DIAPH2: variants seen among roughly 807,000 people sequenced by gnomAD.
The protein encoded by DIAPH2 is diaphanous related formin 2.
A neutral mutation model predicts 92.7 loss-of-function variants in DIAPH2; 35 were observed. The observed-to-expected ratio is 0.38, with a 90% CI of 0.29 to 0.50. The LOEUF (loss-of-function observed/expected upper bound fraction) is 0.50. Ranked by LOEUF, DIAPH2 falls within the 20% of genes least tolerant of loss-of-function variation. The pLI is 0.94. For synonymous variants in DIAPH2, 301 were observed against 280.4 expected, an observed-to-expected ratio of 1.07 and a Z score of -0.73; for missense variants, 701 against 819.5, an observed-to-expected ratio of 0.86 and a Z score of 1.77.
chrX:97,563,071 C>T (rs762962696), intron 26 of DIAPH2, among the ~76,000 whole-genome samples: 4 of 111,897 alleles, frequency 3.6e-5, no homozygotes, highest in South Asian at 7.5e-4. Context: ...AGCCCTCATA[C>T]AATTGAAGCA....
At chrX:97,522,650 T>C (rs1157115665) in intron 26 of DIAPH2, among the ~76,000 whole-genome samples, 1 of 113,186 alleles carries the variant, frequency 8.8e-6, no homozygotes, top group African/African-American at 3.2e-5. Flanking sequence ...ACTGATAAAA[T>C]TGAGTTATAC....
intron 4 of DIAPH2, among the ~76,000 whole-genome samples, chrX:96,849,959 CTT>C (rs67492020): frequency 8.5e-5 from 9 of 105,308 alleles, no homozygotes; most frequent in Admixed American, 2.0e-4. Context: ...TCAGAAAAGA[CTT>C]TTTTTTTTTA....
chrX:96,734,131 A>G (rs916694667), intron 1 of DIAPH2, among the ~76,000 whole-genome samples: 73 of 112,365 alleles, frequency 6.5e-4, no homozygotes, highest in Non-Finnish European at 1.2e-3. Context: ...ACATGTATTC[A>G]ATTGAGATAC....
intron 25 of DIAPH2, among the ~76,000 whole-genome samples, chrX:97,415,053 A>G (rs1266457056): frequency 1.0e-5 from 1 of 98,164 alleles, no homozygotes; most frequent in African/African-American, 3.7e-5. Context: ...GATATGAACA[A>G]ACAGTTCTCA....
chrX:97,168,930 T>G (rs917934542), intron 22 of DIAPH2, among the ~76,000 whole-genome samples: 1 of 112,007 alleles, frequency 8.9e-6, no homozygotes. Context: ...GTCCAGATTC[T>G]TAACGTGAAG....
At chrX:97,539,060 A>G (rs1306456569) in intron 26 of DIAPH2, among the ~76,000 whole-genome samples, 1 of 112,381 alleles carries the variant, frequency 8.9e-6, no homozygotes, top group African/African-American at 3.2e-5. Context: ...GAAAAAAACA[A>G]CATCACCTTG....
intron 1 of DIAPH2, among the ~76,000 whole-genome samples, chrX:96,731,492 TAGTAG>T (rs2064055286): frequency 8.9e-6 from 1 of 111,963 alleles, no homozygotes; most frequent in Admixed American, 9.4e-5. Flanking sequence ...ATTTCTGTGG[TAGTAG>T]AGTAATTGCA....
rs540218593 is a variant in DIAPH2 at position 97,053,898 on chromosome X, A to AT, written c.2051-19042dup. Reference sequence around the variant, plus strand: ...AGGGCATTGAATGAAAGCTGCCTGCATGCAGTCACTTCAGGCTCTAGGATC... The same window carrying AT: ...AGGGCATTGAATGAAAGCTGCCTGCATTGCAGTCACTTCAGGCTCTAGGATC... On this transcript the variant is annotated intron_variant, in intron 17 of 26. Coordinates refer to ENST00000324765, the MANE Select transcript of DIAPH2 (RefSeq NM_006729.5). Among the ~76,000 whole-genome samples, 368 of 112,155 alleles carry AT rather than the reference A, an allele frequency of 3.3e-3. 10 individuals carry two copies. The South Asian group carries it at 0.13, about 38-fold the overall frequency.
intron 4 of DIAPH2, among the ~76,000 whole-genome samples, chrX:96,780,535 G>T (rs1386549417): frequency 9.0e-6 from 1 of 111,173 alleles, no homozygotes; most frequent in Non-Finnish European, 1.9e-5. Context: ...AGGCTGGAGT[G>T]CAGTGGCACG....
intron 26 of DIAPH2, among the ~76,000 whole-genome samples, chrX:97,514,435 C>T (rs1488628574): frequency 8.9e-6 from 1 of 112,769 alleles, no homozygotes; most frequent in Non-Finnish European, 1.9e-5. Context: ...AAGTTTTCAA[C>T]TTCTTTGCCT....
chrX:97,114,776 G>A lies in DIAPH2; in HGVS notation c.2400G>A (p.Lys800=). Residue 800 remains lysine (K), a synonymous_variant, in exon 21 of 27, where the codon AAG becomes AAA. Coordinates refer to ENST00000324765, the MANE Select transcript of DIAPH2 (RefSeq NM_006729.5). ...LQPRLSSILF[K]LTFEEHINNI... ...CTCGTCTCAGTAGTATCCTGTTCAA[G>A]CTCACATTTGAAGAACACATAAACA... The A allele has an allele frequency of 8.3e-7, 1 of 1,210,366 alleles. No individual in the cohort carries two copies. The highest frequency in any genetic ancestry group is 1.1e-6 in the Non-Finnish European group (1 of 894,606).
chrX:97,191,103 C>T (rs2067649499), intron 22 of DIAPH2, among the ~76,000 whole-genome samples: 1 of 110,233 alleles, frequency 9.1e-6, no homozygotes, highest in Non-Finnish European at 1.9e-5. Flanking sequence ...CCCAGGCAGG[C>T]GGATCACCTG....
intron 26 of DIAPH2, among the ~76,000 whole-genome samples, chrX:97,487,001 C>T (rs891999919): frequency 2.7e-5 from 3 of 112,119 alleles, no homozygotes; most frequent in East Asian, 2.8e-4. Context: ...AGCTCATAAA[C>T]GTGGAATCCC....
rs200183908 is a variant in DIAPH2, at chrX:96,766,213, G to GTA, written c.447+7970_447+7971dup. On this transcript the variant is annotated intron_variant, in intron 4 of 26. Transcript: ENST00000324765. Reference sequence around the variant, plus strand: ...GGCAGGCCAGCAGGCTATATGTAGTGTATATATATATATATACACATATAT... The same window carrying GTA: ...GGCAGGCCAGCAGGCTATATGTAGTGTATATATATATATATATACACATATAT... Among the ~76,000 whole-genome samples, 866 of 103,969 alleles carry GTA rather than the reference G, an allele frequency of 8.3e-3. 2 individuals carry two copies. Among genetic ancestry groups the GTA allele is most frequent in the Middle Eastern group, 0.015 (3 of 200 alleles). 90.3% of individuals were successfully genotyped at this position (103,969 alleles called of 115,157 possible).
chrX:97,133,944 C>T (rs761058574), intron 21 of DIAPH2, among the ~76,000 whole-genome samples: 1 of 112,388 alleles, frequency 8.9e-6, no homozygotes, highest in African/African-American at 3.2e-5. Flanking sequence ...CTGCAACTTA[C>T]AATTTCAGAA....
chrX:96,880,183 T>C (rs2065204253), intron 4 of DIAPH2, among the ~76,000 whole-genome samples: 1 of 111,802 alleles, frequency 8.9e-6, no homozygotes, highest in Admixed American at 9.5e-5. Context: ...ACACTTTTAT[T>C]GAAGCTCACT....
chrX:96,999,279 C>G (rs1442964846), intron 17 of DIAPH2, among the ~76,000 whole-genome samples: 1 of 110,349 alleles, frequency 9.1e-6, no homozygotes, highest in Non-Finnish European at 1.9e-5. Context: ...CTTTGGGAGG[C>G]CGAGGTGGGC....
chrX:96,835,850 G>T (rs1199069779), intron 4 of DIAPH2, among the ~76,000 whole-genome samples: 1 of 110,738 alleles, frequency 9.0e-6, no homozygotes, highest in African/African-American at 3.3e-5. Flanking sequence ...TCTCACTCCA[G>T]TTGCCCAGAC....
At chrX:97,069,210 G>A (rs911582841) in intron 17 of DIAPH2, among the ~76,000 whole-genome samples, 25 of 110,930 alleles carry the variant, frequency 2.3e-4, no homozygotes, top group East Asian at 1.7e-3. Flanking sequence ...TGATCTGCCC[G>A]CCTCAGCCTC....
Sources: gnomAD v4.1 joint callset for allele counts (sites outside exome capture counted in the v4.1 genomes callset) on GRCh38, gnomAD v4.1.1 for gene constraint, MANE v1.5 for transcripts, NCBI Gene and HGNC (gene_info 2026-07-23, HGNC 2026-07-21) for gene names.